CCDC141: variants seen among roughly 807,000 people sequenced by gnomAD.
CCDC141 encodes coiled-coil domain containing 141.
CCDC141 carries 168 observed loss-of-function variants against 181.0 expected under a neutral mutation model. That is an observed-to-expected ratio of 0.93 (90% CI 0.82 to 1.05). The LOEUF (loss-of-function observed/expected upper bound fraction) is 1.05, where lower values mean the gene tolerates loss of function less well. Ranked by LOEUF, CCDC141 falls within the 50% of genes least tolerant of loss-of-function variation. The pLI is 0.00. For missense variants in CCDC141, 1,902 were observed against 1,788.5 expected (o/e 1.06, Z -1.14); for synonymous variants, 666 against 642.3 (o/e 1.04, Z -0.56).
At chr2:179,002,354 T>G (rs1483150720) in intron 2 of CCDC141, 2 of 283,672 alleles carry the variant, frequency 7.1e-6, no homozygotes, top group Admixed American at 4.6e-5. Flanking sequence ...AGGATTGCAT[T>G]GTGGATGTCA....
intron 6 of CCDC141, among the ~76,000 whole-genome samples, chr2:178,924,968 C>CT (rs1278260894): frequency 6.6e-6 from 1 of 152,180 alleles, no homozygotes; most frequent in Non-Finnish European, 1.5e-5. Flanking sequence ...TTGAGCCTTG[C>CT]TTTTACTTCA....
Position 178,836,893 on chromosome 2 carries a change from C to A in CCDC141, c.4325+1G>T. On this transcript the variant is annotated splice_donor_variant, in intron 23 of 23. Transcript: ENST00000443758. LOFTEE classifies it high-confidence loss of function. The stretch of plus-strand genomic sequence containing the variant: ...ATGGCTTGTCATTATAGGCTACCCA[C>A]CATGTCAGTGTAGGCTCTGGAAATC... The A allele has an allele frequency of 6.2e-7, 1 of 1,601,216 alleles. No homozygotes were observed. Among genetic ancestry groups the A allele is most frequent in the Non-Finnish European group, 8.5e-7 (1 of 1,176,698 alleles).
At chr2:178,821,081 G>A in the CCDC141 span, among the ~76,000 whole-genome samples, 1 of 148,208 alleles carries the variant, frequency 6.7e-6, no homozygotes, top group African/African-American at 2.5e-5. Context: ...TTCTAACATA[G>A]GAATAAATTT....
intron 7 of CCDC141, among the ~76,000 whole-genome samples, chr2:178,916,183 A>G (rs1274134126): frequency 6.6e-6 from 1 of 152,218 alleles, no homozygotes; most frequent in Non-Finnish European, 1.5e-5. Context: ...AGGCACAACG[A>G]AGTGAATTTT....
intron 3 of CCDC141, 123 bp from the exon 4 acceptor site, chr2:178,975,288 G>A: frequency 5.5e-6 from 3 of 549,392 alleles, no homozygotes; most frequent in South Asian, 5.2e-5. Context: ...GATTATGCAA[G>A]TGCATATGTT....
chr2:178,817,154 C>G, the CCDC141 span, among the ~76,000 whole-genome samples: 2 of 152,154 alleles, frequency 1.3e-5, no homozygotes, highest in Non-Finnish European at 2.9e-5. Flanking sequence ...GTTCCTGCCC[C>G]TTTACCTAAG....
intron 2 of CCDC141, among the ~76,000 whole-genome samples, chr2:178,991,099 T>C (rs983923199): frequency 6.6e-6 from 1 of 152,206 alleles, no homozygotes; most frequent in Non-Finnish European, 1.5e-5. Flanking sequence ...ACTCTGAGAC[T>C]AGTTTTGCCC....
At chr2:179,034,753 C>T (rs1220979453) in intron 2 of CCDC141, among the ~76,000 whole-genome samples, 1 of 152,120 alleles carries the variant, frequency 6.6e-6, no homozygotes, top group Non-Finnish European at 1.5e-5. Context: ...GTATATTAGG[C>T]AAATAATGGT....
At chr2:178,892,487 T>A (rs1286371202) in intron 8 of CCDC141, among the ~76,000 whole-genome samples, 1 of 152,136 alleles carries the variant, frequency 6.6e-6, no homozygotes, top group East Asian at 1.9e-4. Flanking sequence ...TCCATCACAT[T>A]CCCAGTCCTA....
At chr2:178,995,347 T>G (rs1226282168) in intron 2 of CCDC141, among the ~76,000 whole-genome samples, 1 of 152,062 alleles carries the variant, frequency 6.6e-6, no homozygotes, top group African/African-American at 2.4e-5. Context: ...AACTCCAATT[T>G]TTAAAACCAT....
chr2:178,815,857 A>C, the CCDC141 span, among the ~76,000 whole-genome samples: 1 of 152,146 alleles, frequency 6.6e-6, no homozygotes, highest in Non-Finnish European at 1.5e-5. Flanking sequence ...GATGCAGAAC[A>C]TGTGAGTAGG....
chr2:178,897,363 T>C (rs1687462600), intron 8 of CCDC141, among the ~76,000 whole-genome samples: 1 of 152,114 alleles, frequency 6.6e-6, no homozygotes, highest in Non-Finnish European at 1.5e-5. Context: ...TTCCAAAAAG[T>C]TCAAAACCAT....
At chr2:178,960,278 T>A (rs1179320996) in intron 5 of CCDC141, among the ~76,000 whole-genome samples, 3 of 152,210 alleles carry the variant, frequency 2.0e-5, no homozygotes, top group African/African-American at 7.2e-5. Context: ...TAGTAAGTGG[T>A]CAATAAGTAT....
At chr2:178,853,359 C>A (rs1685246204) in intron 20 of CCDC141, 82 bp downstream of exon 20, 2 of 1,297,300 alleles carry the variant, frequency 1.5e-6, no homozygotes, top group East Asian at 2.4e-5. Flanking sequence ...GAGGACTTGC[C>A]ACACTCTTGC....
chr2:179,002,496 A>T, intron 2 of CCDC141: 2 of 409,036 alleles, frequency 4.9e-6, no homozygotes, highest in South Asian at 3.7e-5. Context: ...CAATCTCTCT[A>T]AAAAAAGATG....
At chr2:178,925,624 G>T (rs1034956700) in intron 6 of CCDC141, among the ~76,000 whole-genome samples, 1 of 152,138 alleles carries the variant, frequency 6.6e-6, no homozygotes, top group Admixed American at 6.5e-5. Context: ...TTCTTCTTTA[G>T]TGTCTTGTCC....
intron 2 of CCDC141, among the ~76,000 whole-genome samples, chr2:179,026,633 G>C (rs1215913515): frequency 6.6e-6 from 1 of 152,200 alleles, no homozygotes; most frequent in Admixed American, 6.5e-5. Flanking sequence ...TAGTGGAGCT[G>C]TGAGAAGAGT....
chr2:178,894,359 T>C (rs1438571625), intron 8 of CCDC141, among the ~76,000 whole-genome samples: 1 of 152,008 alleles, frequency 6.6e-6, no homozygotes, highest in East Asian at 1.9e-4. Flanking sequence ...CCACTCCAAA[T>C]GAGAGTGCAA....
At chr2:178,936,730 T>G (rs1157419436) in intron 6 of CCDC141, among the ~76,000 whole-genome samples, 1 of 152,186 alleles carries the variant, frequency 6.6e-6, no homozygotes, top group Non-Finnish European at 1.5e-5. Context: ...TCCATGAGTA[T>G]GGAATGTGTT....
Sources: gnomAD v4.1 joint callset for allele counts (sites outside exome capture counted in the v4.1 genomes callset) on GRCh38, gnomAD v4.1.1 for gene constraint, MANE v1.5 for transcripts, NCBI Gene and HGNC (gene_info 2026-07-23, HGNC 2026-07-21) for gene names.